CAPN2: variants seen among roughly 807,000 people sequenced by gnomAD.
CAPN2 encodes calpain 2, also known as calpain-2 catalytic subunit.
In CAPN2, 92 loss-of-function variants were observed where a neutral mutation model predicts 102.3. The ratio of observed to expected loss-of-function variants is 0.90; its 90% confidence interval spans 0.76 to 1.07. The LOEUF (loss-of-function observed/expected upper bound fraction) is 1.07. Among genes scored for constraint, CAPN2 ranks in the 50% least tolerant of loss-of-function variants. The probability of loss-of-function intolerance (pLI) is 0.00; values close to 1 mark genes in which losing one functional copy is unlikely to be tolerated. For missense variants in CAPN2, 800 were observed against 909.4 expected (o/e 0.88, Z 1.55); for synonymous variants, 340 against 355.4 (o/e 0.96, Z 0.49).
intron 1 of CAPN2, among the ~76,000 whole-genome samples, chr1:223,714,723 C>T (rs112622025): frequency 9.9e-4 from 150 of 151,858 alleles, no homozygotes; most frequent in Non-Finnish European, 1.6e-3. Flanking sequence ...CATACTCATT[C>T]ACTTATTCTT....
At chr1:223,737,590 A>G (rs1395563609) in intron 2 of CAPN2, among the ~76,000 whole-genome samples, 1 of 151,874 alleles carries the variant, frequency 6.6e-6, no homozygotes, top group Non-Finnish European at 1.5e-5. Flanking sequence ...GGGATGAGAA[A>G]GGCAGATGAG....
rs1661439317 is a variant in CAPN2 at position 223,770,313 on chromosome 1, A to G, written c.1825-134A>G. 4.7e-6 allele frequency: 3 copies of G among 635,244 alleles called. No individual in the cohort carries two copies. The South Asian group carries it at 5.9e-5, about 12-fold the overall frequency. 39.4% of individuals were successfully genotyped at this position (635,244 alleles called of 1,614,324 possible). ...ACTATTAGTTATTTAAGGCAGAAAC[A>G]TAAGTGATTCTTCCACGGCCAAACT... On this transcript the variant is annotated intron_variant, in intron 17 of 20. Coordinates refer to ENST00000295006, the MANE Select transcript of CAPN2 (RefSeq NM_001748.5).
chr1:223,774,698 T>A (rs1190869272), intron 20 of CAPN2, 136 bp from the exon 21 acceptor site: 5 of 715,976 alleles, frequency 7.0e-6, no homozygotes, highest in African/African-American at 3.6e-5. Context: ...AAGAAAAATA[T>A]GAGTTAGTGC....
At chr1:223,709,499 A>G (rs1659684392), upstream of CAPN2, among the ~76,000 whole-genome samples, 1 of 152,198 alleles carries the variant, frequency 6.6e-6, no homozygotes, top group South Asian at 2.1e-4. Context: ...TGTCCCTACT[A>G]AAAATACAAA....
chr1:223,744,298 C>A, intron 3 of CAPN2, 80 bp downstream of exon 3: 1 of 899,628 alleles, frequency 1.1e-6, no homozygotes, highest in Non-Finnish European at 1.9e-6. Flanking sequence ...CTGGGTTCAT[C>A]AGTCCCTGGT....
rs151005865 is a variant in CAPN2, at chr1:223,705,077, C to T, written c.3+3246C>T. Among the ~76,000 whole-genome samples the T allele has an allele frequency of 2.0e-3, 312 of 152,312 alleles. 3 individuals carry two copies. The highest frequency in any genetic ancestry group is 6.9e-3 in the African/African-American group (287 of 41,560). ...CACTCAGGGGAGGCTTCCTGCCCCT[C>T]GGCCAACACCAACTTCCCTTTCAGC... On this transcript the variant is annotated intron_variant, in intron 1 of 20. Coordinates refer to the CAPN2 transcript ENST00000433674.
intron 2 of CAPN2, among the ~76,000 whole-genome samples, chr1:223,733,456 C>T (rs933145995): frequency 6.6e-6 from 1 of 152,080 alleles, no homozygotes; most frequent in Non-Finnish European, 1.5e-5. Flanking sequence ...ACTGACATGG[C>T]CCTGAATGAA....
rs1660176521 is a variant in CAPN2, at chr1:223,725,804, T to C, written c.307+7973T>C. Among the ~76,000 whole-genome samples, 1 of 152,182 alleles carries C rather than the reference T, an allele frequency of 6.6e-6. No individual in the cohort carries two copies. Among genetic ancestry groups the C allele is most frequent in the Non-Finnish European group, 1.5e-5 (1 of 68,036 alleles). On this transcript the variant is annotated intron_variant, in intron 2 of 20. Transcript: ENST00000295006. This position sits in a 1 kb window ranked among gnomAD's most constrained non-coding sequence, Gnocchi z 4.1. ...CTTCAGTGCCAAGGAACGTGGACTC[T>C]CTCCTATCCCAGCACATACACGTGC...
rs553337799 is a variant in CAPN2 at position 223,725,760 on chromosome 1, C to T, written c.307+7929C>T. ...AATGGTCATGGCCTCCTGATGTTTC[C>T]CACAAAGGGCCAGAGGCCCTTCAGT... On this transcript the variant is annotated intron_variant, in intron 2 of 20. Transcript: ENST00000295006. This position sits in a 1 kb window ranked among gnomAD's most constrained non-coding sequence, Gnocchi z 4.1. 2.0e-5 allele frequency among the ~76,000 whole-genome samples: 3 copies of T among 152,266 alleles called. No individual in the cohort carries two copies. The highest frequency in any genetic ancestry group is 7.2e-5 in the African/African-American group (3 of 41,546).
intron 2 of CAPN2, among the ~76,000 whole-genome samples, chr1:223,729,389 A>G (rs940953577): frequency 2.0e-5 from 3 of 152,304 alleles, no homozygotes; most frequent in African/African-American, 7.2e-5. Flanking sequence ...AGGCTAAGCT[A>G]TGGTGTTAGG....
chr1:223,766,634 C>G (rs1423819632), intron 16 of CAPN2, among the ~76,000 whole-genome samples: 1 of 151,404 alleles, frequency 6.6e-6, no homozygotes, highest in Non-Finnish European at 1.5e-5. Flanking sequence ...AAATGCTACA[C>G]CCCCCCTCCC....
chr1:223,756,469 C>A lies in CAPN2; in HGVS notation c.1305+820C>A, dbSNP rs1033457681. Among the ~76,000 whole-genome samples the A allele has an allele frequency of 3.9e-5, 6 of 152,210 alleles. No individual in the cohort carries two copies. Among genetic ancestry groups the A allele is most frequent in the African/African-American group, 1.4e-4 (6 of 41,450 alleles). On this transcript the variant is annotated intron_variant, in intron 10 of 20. Coordinates refer to ENST00000295006, the MANE Select transcript of CAPN2 (RefSeq NM_001748.5). The surrounding 1 kb of genome is among the most constrained non-coding windows in gnomAD (Gnocchi z 4.1). ...TTCTCTGACCCATGTCTGCTGAGGT[C>A]CTTCAGCAGCCTGAAAAATGGCCCT...
At position 223,766,576 on chromosome 1, in the gene CAPN2, T is replaced by C. The variant is rs28370151; in HGVS notation, c.1755+145T>C. ...GTTGCTGTCGGACAGTCAGCAGCGCTGACCTCCCTTACTAGGGAAATGCGA... is the reference window on the plus strand; with the variant it reads ...GTTGCTGTCGGACAGTCAGCAGCGCCGACCTCCCTTACTAGGGAAATGCGA... On this transcript the variant is annotated intron_variant, in intron 16 of 20. Coordinates refer to ENST00000295006, the MANE Select transcript of CAPN2 (RefSeq NM_001748.5). 4,805 of 663,258 alleles carry C rather than the reference T, an allele frequency of 7.2e-3. 31 individuals are homozygous for C. Among genetic ancestry groups the C allele is most frequent in the Non-Finnish European group, 9.7e-3 (3,636 of 373,334 alleles). 41.1% of individuals were successfully genotyped at this position (663,258 alleles called of 1,614,324 possible). A position where few individuals can be genotyped will look rare whatever the true frequency, so the allele number is the denominator to read the frequency against.
At chr1:223,758,975 GC>G (rs1465349403) in intron 11 of CAPN2, 3 of 409,366 alleles carry the variant, frequency 7.3e-6, no homozygotes, top group Non-Finnish European at 1.4e-5. Context: ...ACAGGCGTGA[GC>G]CACCACACCT....
rs1661072349 is a variant in CAPN2 at position 223,757,718 on chromosome 1, CA to C, written c.1317+339del. 2.3e-5 allele frequency: 9 copies of C among 394,070 alleles called. No individual in the cohort carries two copies. The South Asian group carries it at 4.5e-4, about 20-fold the overall frequency. The allele number at this position is 394,070 out of a possible 1,614,324, so 24.4% of individuals were successfully genotyped here. A position where few individuals can be genotyped will look rare whatever the true frequency, so the allele number is the denominator to read the frequency against. On this transcript the variant is annotated intron_variant, in intron 11 of 20. Coordinates refer to ENST00000295006, the MANE Select transcript of CAPN2 (RefSeq NM_001748.5). ...TGTCACTCTTAGGAGAAGACTGAGT[CA>C]GGGAAAAGGTGAACCCTGCAGACTG...
At chr1:223,717,272 G>T (rs1250429888) in intron 1 of CAPN2, among the ~76,000 whole-genome samples, 1 of 152,178 alleles carries the variant, frequency 6.6e-6, no homozygotes, top group African/African-American at 2.4e-5. Flanking sequence ...GGACTAGGAC[G>T]ACTTCACGGA....
intron 16 of CAPN2, among the ~76,000 whole-genome samples, chr1:223,768,636 G>C (rs1401607182): frequency 2.6e-5 from 4 of 151,442 alleles, no homozygotes; most frequent in Admixed American, 2.6e-4. Flanking sequence ...CTCCAGCTTT[G>C]TTCTTTTGGC....
chr1:223,715,105 T>C (rs1310997936), intron 1 of CAPN2, among the ~76,000 whole-genome samples: 1 of 152,200 alleles, frequency 6.6e-6, no homozygotes, highest in Non-Finnish European at 1.5e-5. Flanking sequence ...ATGGCTGCGC[T>C]CTCTGCCTCC....
In CAPN2 at chr1:223,757,063, C is replaced by T. The variant is rs560598662; in HGVS notation, c.1306-306C>T. ...GCCTGCTGCCTCCTCCAACAGGGCC[C>T]GCCTGGCCCTCTTTCCCTGCGTGGG... is the stretch of plus-strand genomic sequence containing the variant. On this transcript the variant is annotated intron_variant, in intron 10 of 20. Transcript: ENST00000295006. Among the ~76,000 whole-genome samples the T allele has an allele frequency of 1.2e-3, 177 of 152,300 alleles. 2 individuals carry two copies. Among genetic ancestry groups the T allele is most frequent in the Non-Finnish European group, 1.7e-3 (119 of 68,020 alleles).
Sources: gnomAD v4.1 joint callset for allele counts (sites outside exome capture counted in the v4.1 genomes callset) on GRCh38, gnomAD v4.1.1 for gene constraint, Gnocchi (gnomAD v3.1) non-coding constraint, MANE v1.5 for transcripts, NCBI Gene and HGNC (gene_info 2026-07-23, HGNC 2026-07-21) for gene names.